ZNF141: variants seen among roughly 807,000 people sequenced by gnomAD.
ZNF141 encodes the protein zinc finger protein 141 (clone pHZ-44).
In ZNF141, 7 loss-of-function variants were observed where a neutral mutation model predicts 11.3. The observed-to-expected ratio is 0.62, with a 90% confidence interval of 0.35 to 1.16. The LOEUF is 1.16. Among genes scored for constraint, ZNF141 ranks in the 50% most tolerant of loss-of-function variants. The pLI is 0.02. For synonymous variants in ZNF141, 183 were observed against 190.7 expected (o/e 0.96, Z 0.33); for missense variants, 535 against 554.0 (o/e 0.97, Z 0.34).
chr4:355,601 T>C (rs890212125), intron 3 of ZNF141, among the ~76,000 whole-genome samples: 1 of 152,244 alleles, frequency 6.6e-6, no homozygotes, highest in Non-Finnish European at 1.5e-5. Flanking sequence ...ATTCTTTTCA[T>C]TTTTGAATCG....
chr4:373,535 C>A lies in ZNF141; in HGVS notation c.1098C>A (p.Pro366=), dbSNP rs1553854043. The A allele has an allele frequency of 6.2e-7, 1 of 1,613,798 alleles. No individual in the cohort carries two copies. The highest frequency in any genetic ancestry group is 1.7e-5 in the Admixed American group (1 of 59,994). The change falls in exon 4 of 4, where the codon CCC becomes CCA. Residue 366 remains proline (P), a synonymous_variant. Coordinates refer to ENST00000240499, the MANE Select transcript of ZNF141 (RefSeq NM_003441.4). ...EHKKVHTGER[P]YKCDECGKAF... is the part of the protein sequence containing the mutation. ...AGAAAGTTCATACTGGAGAGCGGCC[C>A]TACAAATGTGATGAATGTGGCAAAG...
chr4:373,597 A>T lies in ZNF141; in HGVS notation c.1160A>T (p.Lys387Ile). 1 of 1,602,702 alleles carries T rather than the reference A, an allele frequency of 6.2e-7. No homozygotes were observed. The highest frequency in any genetic ancestry group is 1.1e-5 in the South Asian group (1 of 90,674). ...GRSRVLNEHKKIHTGEKPYKC... is the reference protein window; with the variant it reads ...GRSRVLNEHKIIHTGEKPYKC... ...TCCAGGGTCCTGAATGAACATAAAA[A>T]AATTCATACTGGAGAGAAACCCTAC... The change falls in exon 4 of 4, where the codon AAA becomes ATA. Residue 387 changes from lysine (K) to isoleucine (I), a missense_variant. Physicochemically the swap from Lys to Ile is moderately radical, Grantham distance 102 (BLOSUM62 -3). Transcript: ENST00000240499.
rs1712166674 is a variant in ZNF141, at chr4:373,192, A to G, written c.755A>G (p.Glu252Gly). Reference sequence around the variant, plus strand: ...AAGCATAAAATAATTCATACTGGAGAAAAACCCTATAAATGTGAAGAATGT... The same window carrying G: ...AAGCATAAAATAATTCATACTGGAGGAAAACCCTATAAATGTGAAGAATGT... ...FAKHKIIHTG[E>G]KPYKCEECGK... Residue 252 changes from glutamate (E) to glycine (G), a missense_variant, in exon 4 of 4, where the codon GAA (glutamate) becomes GGA (glycine). By Grantham distance (98) the Glu-to-Gly change is moderately conservative. Transcript: ENST00000240499. The G allele has an allele frequency of 1.9e-6, 3 of 1,614,064 alleles. No individual in the cohort carries two copies. Among genetic ancestry groups the G allele is most frequent in the East Asian group, 2.2e-5 (1 of 44,860 alleles).
chr4:378,414 C>T lies in ZNF141; in HGVS notation c.*4552C>T, dbSNP rs551519580. 2.3e-4 allele frequency among the ~76,000 whole-genome samples: 35 copies of T among 151,880 alleles called. No individual in the cohort carries two copies. Among genetic ancestry groups the T allele is most frequent in the East Asian group, 2.0e-4 (1 of 5,108 alleles). ...CTCCTGAGTTAACTGGGACTACAAT[C>T]GCCTGCCACCACGCCCAGTTAATTT... On this transcript the variant is annotated 3_prime_UTR_variant, in exon 4 of 4. Transcript: ENST00000240499.
rs559111067 is a variant in ZNF141, at chr4:383,994, T to C, written c.*10132T>C. 1 of 152,390 alleles carries C rather than the reference T, an allele frequency of 6.6e-6. No homozygotes were observed. The highest frequency in any genetic ancestry group is 2.1e-4 in the South Asian group (1 of 4,822). 9.4% of individuals were successfully genotyped at this position (152,390 alleles called of 1,614,324 possible). On this transcript the variant is annotated 3_prime_UTR_variant, in exon 4 of 4. Transcript: ENST00000240499. ...CTATTCCCTTCCTGTTTTTCATTCCTTTGTGTGCTTTGTTCAATTTTTTTG... is the reference window on the plus strand; with the variant it reads ...CTATTCCCTTCCTGTTTTTCATTCCCTTGTGTGCTTTGTTCAATTTTTTTG...
chr4:369,764 A>ATATATATATATATT, intron 3 of ZNF141, among the ~76,000 whole-genome samples: 5 of 48,724 alleles, frequency 1.0e-4, no homozygotes, highest in East Asian at 4.6e-4. Flanking sequence ...ATATATATAT[A>ATATATATATATATT]TTTTTTTTTT....
At chr4:353,730 A>G (rs979685435) in intron 3 of ZNF141, among the ~76,000 whole-genome samples, 3 of 152,056 alleles carry the variant, frequency 2.0e-5, no homozygotes, top group Non-Finnish European at 4.4e-5. Context: ...CCAAAATGCT[A>G]GGATTACAAG....
At chr4:345,519 G>A (rs1170058724) in intron 3 of ZNF141, among the ~76,000 whole-genome samples, 2 of 151,826 alleles carry the variant, frequency 1.3e-5, no homozygotes, top group Admixed American at 6.6e-5. Context: ...ATCTGAGATC[G>A]GGAGTACAAG....
chr4:371,586 C>G (rs1050875385), intron 3 of ZNF141, among the ~76,000 whole-genome samples: 3 of 150,486 alleles, frequency 2.0e-5, no homozygotes, highest in African/African-American at 7.4e-5. Context: ...GTCTCCCAGG[C>G]TGGAGTGCAG....
At chr4:361,555 G>A (rs1419875719) in intron 3 of ZNF141, among the ~76,000 whole-genome samples, 1 of 152,056 alleles carries the variant, frequency 6.6e-6, no homozygotes, top group Admixed American at 6.6e-5. Flanking sequence ...AGGCCCCGGT[G>A]TGTGACGTTC....
At chr4:362,571 G>T (rs1292667306) in intron 3 of ZNF141, among the ~76,000 whole-genome samples, 1 of 152,084 alleles carries the variant, frequency 6.6e-6, no homozygotes, top group Non-Finnish European at 1.5e-5. Flanking sequence ...CGTAAGGAAG[G>T]GATCCAATTT....
chr4:344,102 C>G (rs1471614151), intron 2 of ZNF141, among the ~76,000 whole-genome samples, 194 bp downstream of exon 2: 1 of 152,164 alleles, frequency 6.6e-6, no homozygotes. Flanking sequence ...TTTCCCACAT[C>G]TTAAAATCCA....
In ZNF141 at chr4:373,620, T is replaced by C; in HGVS notation, c.1183T>C (p.Tyr395His). ...HKKIHTGEKP[Y>H]KCEECGKAFR... is the part of the protein sequence containing the mutation. The stretch of plus-strand genomic sequence containing the variant: ...AAAAATTCATACTGGAGAGAAACCC[T>C]ACAAATGTGAAGAATGTGGCAAAGC... Residue 395 changes from tyrosine (Y) to histidine (H), a missense_variant, in exon 4 of 4, where the codon TAC becomes CAC. By Grantham distance (83) the Tyr-to-His change is moderately conservative. Transcript: ENST00000240499. 1 of 1,614,130 alleles carries C rather than the reference T, an allele frequency of 6.2e-7. No homozygotes were observed. Among genetic ancestry groups the C allele is most frequent in the Non-Finnish European group, 8.5e-7 (1 of 1,180,002 alleles).
At position 378,835 on chromosome 4, in the gene ZNF141, A is replaced by AT. The variant is rs570639890; in HGVS notation, c.*5000dup. ...GTTGAATCCAAACAGTTTCTCAGTGATTTTTTTTTTTTTTTTTTTTTTTTT... is the reference window on the plus strand; with the variant it reads ...GTTGAATCCAAACAGTTTCTCAGTGATTTTTTTTTTTTTTTTTTTTTTTTTT... On this transcript the variant is annotated 3_prime_UTR_variant, in exon 4 of 4. Transcript: ENST00000240499. Among the ~76,000 whole-genome samples, 2,852 of 78,524 alleles carry AT rather than the reference A, an allele frequency of 0.036. 551 individuals are homozygous for AT. Among genetic ancestry groups the AT allele is most frequent in the African/African-American group, 0.057 (937 of 16,498 alleles). 51.5% of individuals were successfully genotyped at this position (78,524 alleles called of 152,430 possible).
At chr4:341,621 G>A (rs1341817264) in intron 1 of ZNF141, among the ~76,000 whole-genome samples, 6 of 152,146 alleles carry the variant, frequency 3.9e-5, no homozygotes, top group African/African-American at 1.4e-4. Context: ...AGACAAAACC[G>A]AAAGTACTTA....
rs1346221766 is a variant in ZNF141, at chr4:380,362, T to C, written c.*6500T>C. 2.0e-5 allele frequency among the ~76,000 whole-genome samples: 3 copies of C among 152,112 alleles called. No homozygotes were observed. Among genetic ancestry groups the C allele is most frequent in the African/African-American group, 7.2e-5 (3 of 41,424 alleles). On this transcript the variant is annotated 3_prime_UTR_variant, in exon 4 of 4. Coordinates refer to ENST00000240499, the MANE Select transcript of ZNF141 (RefSeq NM_003441.4). ...ATAATACTGTATATGTGTTAATAAATTTTATTTTCGGCCAGGCGTGGTGGC... is the reference window on the plus strand; with the variant it reads ...ATAATACTGTATATGTGTTAATAAACTTTATTTTCGGCCAGGCGTGGTGGC...
chr4:350,380 C>A (rs1288261293), intron 3 of ZNF141: 1 of 345,814 alleles, frequency 2.9e-6, no homozygotes, highest in Non-Finnish European at 6.0e-6. Flanking sequence ...TGCATTGTCA[C>A]TTTGTTAGCG....
In ZNF141 at chr4:381,610, A is replaced by C. The variant is rs910375750; in HGVS notation, c.*7748A>C. 2.0e-5 allele frequency among the ~76,000 whole-genome samples: 3 copies of C among 151,826 alleles called. No homozygotes were observed. The highest frequency in any genetic ancestry group is 4.4e-5 in the Non-Finnish European group (3 of 67,962). Reference sequence around the variant, plus strand: ...TTTTTAGTAGAGACGGGGTTTCACCATGTTGGCCAGGCTGGTCTCAAACTC... The same window carrying C: ...TTTTTAGTAGAGACGGGGTTTCACCCTGTTGGCCAGGCTGGTCTCAAACTC... On this transcript the variant is annotated 3_prime_UTR_variant, in exon 4 of 4. Transcript: ENST00000240499.
At chr4:340,231 C>T (rs1553848208) in intron 1 of ZNF141, among the ~76,000 whole-genome samples, 1 of 152,226 alleles carries the variant, frequency 6.6e-6, no homozygotes, top group African/African-American at 2.4e-5. Flanking sequence ...AACCTTCTTT[C>T]TCAGGATTCC....
Sources: allele counts gnomAD v4.1 joint callset (sites outside exome capture counted in the v4.1 genomes callset), GRCh38; gene constraint gnomAD v4.1.1; transcripts MANE v1.5; gene names NCBI Gene and HGNC (gene_info 2026-07-23, HGNC 2026-07-21).